Variants in SOCS2 observed in about 807,000 individuals in gnomAD.
SOCS2 encodes the protein CIS-2.
SOCS2 carries 10 observed loss-of-function variants against 18.6 expected under a neutral mutation model. The ratio of observed to expected loss-of-function variants is 0.54; its 90% confidence interval spans 0.33 to 0.91. The LOEUF (loss-of-function observed/expected upper bound fraction) is 0.91, where lower values mean the gene tolerates loss of function less well. SOCS2 is among the 40% of genes least tolerant of loss of function. The pLI is 0.02. For synonymous variants in SOCS2, 104 were observed against 104.0 expected (o/e 1.00, Z 0.00); for missense variants, 231 against 247.2 (o/e 0.93, Z 0.44).
At chr12:93,607,968 G>A in the SOCS2 span, among the ~76,000 whole-genome samples, 5 of 132,850 alleles carry the variant, frequency 3.8e-5, no homozygotes, top group African/African-American at 1.4e-4. Flanking sequence ...ACTAAATTTT[G>A]TTTTTAGTAG....
the SOCS2 span, among the ~76,000 whole-genome samples, chr12:93,614,586 T>C: frequency 2.9e-5 from 3 of 103,152 alleles, no homozygotes; most frequent in African/African-American, 1.3e-4. Context: ...TTTCTTTCTT[T>C]CTTTCTTTCT....
At chr12:93,578,756 G>A (rs187593155), downstream of SOCS2, among the ~76,000 whole-genome samples, 48 of 151,154 alleles carry the variant, frequency 3.2e-4, no homozygotes, top group African/African-American at 7.5e-4. Context: ...GGATTCAAAC[G>A]CAGATATTTT....
the SOCS2 span, among the ~76,000 whole-genome samples, chr12:93,625,923 T>C: frequency 3.3e-5 from 5 of 152,050 alleles, no homozygotes; most frequent in African/African-American, 1.2e-4. Flanking sequence ...ACTGAGGTAG[T>C]GGTGATACTC....
chr12:93,612,628 T>C, the SOCS2 span, among the ~76,000 whole-genome samples: 1 of 152,200 alleles, frequency 6.6e-6, no homozygotes, highest in Non-Finnish European at 1.5e-5. Flanking sequence ...ACTTGTGCCA[T>C]GGTACTCCCA....
At chr12:93,582,585 C>T (rs1016313694) in intron 1 of SOCS2, among the ~76,000 whole-genome samples, 2 of 152,162 alleles carry the variant, frequency 1.3e-5, no homozygotes, top group African/African-American at 2.4e-5. Flanking sequence ...CTTTGAGTCA[C>T]ACAGATTGCA....
the SOCS2 span, among the ~76,000 whole-genome samples, chr12:93,600,878 T>G: frequency 1.3e-5 from 2 of 151,790 alleles, no homozygotes; most frequent in South Asian, 4.2e-4. Context: ...CGACTTAACC[T>G]CCTGGGCTCA....
Position 93,574,905 on chromosome 12 carries a change from C to T in SOCS2, c.323C>T (p.Ser108Phe). The T allele has an allele frequency of 1.2e-6, 2 of 1,614,212 alleles. No homozygotes were observed. The highest frequency in any genetic ancestry group is 1.7e-6 in the Non-Finnish European group (2 of 1,180,034). Residue 108 changes from serine to phenylalanine, a missense_variant, in exon 2 of 2, where the codon TCT becomes TTT. This residue lies in a region of SOCS2 where 122 missense variants were observed against 127.2 expected (regional missense o/e 0.96). Transcript: ENST00000551556. ...EYQDGKFRLDSIICVKSKLKQ... is the reference protein window; with the variant it reads ...EYQDGKFRLDFIICVKSKLKQ... ...CAAGACGGAAAATTCAGATTGGACTCTATCATATGTGTCAAATCCAAGCTT... is the reference window on the plus strand; with the variant it reads ...CAAGACGGAAAATTCAGATTGGACTTTATCATATGTGTCAAATCCAAGCTT...
chr12:93,612,917 T>C, the SOCS2 span, among the ~76,000 whole-genome samples: 1 of 152,198 alleles, frequency 6.6e-6, no homozygotes, highest in African/African-American at 2.4e-5. Flanking sequence ...TTACAGCCCC[T>C]TTTTCTCCTA....
At chr12:93,611,878 C>T in the SOCS2 span, among the ~76,000 whole-genome samples, 14 of 151,088 alleles carry the variant, frequency 9.3e-5, no homozygotes, top group South Asian at 4.2e-4. Flanking sequence ...TTTTTTTCAT[C>T]TATCACAAAG....
chr12:93,579,191 C>T (rs546364886), downstream of SOCS2, among the ~76,000 whole-genome samples: 36 of 152,334 alleles, frequency 2.4e-4, no homozygotes, highest in African/African-American at 8.7e-4. Context: ...CTTGCTTTTG[C>T]CCATTCATGG....
chr12:93,591,749 C>A, the SOCS2 span, among the ~76,000 whole-genome samples: 1 of 152,290 alleles, frequency 6.6e-6, no homozygotes, highest in Non-Finnish European at 1.5e-5. Context: ...CACAGGCTGA[C>A]CAACGTCAAG....
Position 93,575,324 on chromosome 12 carries a change from C to T in SOCS2, c.*145C>T, listed in dbSNP as rs1212908788. 1 of 554,246 alleles carries T rather than the reference C, an allele frequency of 1.8e-6. No homozygotes were observed. The highest frequency in any genetic ancestry group is 3.0e-6 in the Non-Finnish European group (1 of 328,832). 34.3% of individuals were successfully genotyped at this position (554,246 alleles called of 1,614,324 possible). A position where few individuals can be genotyped will look rare whatever the true frequency, so the allele number is the denominator to read the frequency against. On this transcript the variant is annotated 3_prime_UTR_variant, in exon 2 of 2. Coordinates refer to ENST00000551556, the MANE Select transcript of SOCS2 (RefSeq NM_001270471.2). ...AGCTAATCTAATTTAAATTTAACAG[C>T]TTGAAGAGGTAGCTAGGTGTTTAAA...
upstream of SOCS2, chr12:93,572,093 C>G (rs1954277279): frequency 5.6e-6 from 1 of 177,466 alleles, no homozygotes; most frequent in Non-Finnish European, 1.2e-5. This position sits in a 1 kb window ranked among gnomAD's most constrained non-coding sequence, Gnocchi z 5.0. Context: ...GCGGCACCCC[C>G]AACCCCGCCA....
the SOCS2 span, among the ~76,000 whole-genome samples, chr12:93,614,540 CTTCTTTCTTTCTTTCTTTCT>C: frequency 3.3e-3 from 124 of 37,122 alleles, 9 homozygotes; most frequent in African/African-American, 5.4e-3. Flanking sequence ...TCCTTCCTTC[CTTCTTTCTTTCTTTCTTTCT>C]TTCTTTCTTT....
the SOCS2 span, among the ~76,000 whole-genome samples, chr12:93,612,969 G>A: frequency 2.6e-5 from 4 of 152,086 alleles, no homozygotes; most frequent in African/African-American, 7.2e-5. Flanking sequence ...ATAGCTCTTA[G>A]CTGTAGCTAA....
chr12:93,604,441 CA>C, the SOCS2 span, among the ~76,000 whole-genome samples: 3 of 151,838 alleles, frequency 2.0e-5, no homozygotes, highest in Non-Finnish European at 4.4e-5. Flanking sequence ...TTCAAATTAA[CA>C]ACAAAAACTA....
the SOCS2 span, among the ~76,000 whole-genome samples, chr12:93,619,432 G>A: frequency 6.9e-4 from 105 of 152,214 alleles, 1 homozygote; most frequent in African/African-American, 2.4e-3. Flanking sequence ...TTGCTACATA[G>A]GTGCTCCCAC....
chr12:93,616,428 A>G, the SOCS2 span, among the ~76,000 whole-genome samples: 1 of 152,184 alleles, frequency 6.6e-6, no homozygotes, highest in African/African-American at 2.4e-5. Context: ...CTGACCTCTG[A>G]TCTCTGTAGG....
At chr12:93,619,160 G>A in the SOCS2 span, among the ~76,000 whole-genome samples, 4 of 152,306 alleles carry the variant, frequency 2.6e-5, no homozygotes, top group Admixed American at 1.3e-4. Flanking sequence ...TGGTAAGAGC[G>A]GAGGCTATGG....
Sources: gnomAD v4.1 joint callset for allele counts (sites outside exome capture counted in the v4.1 genomes callset) on GRCh38, gnomAD v4.1.1 for gene constraint, gnomAD v4.1.1 regional missense constraint, Gnocchi (gnomAD v3.1) non-coding constraint, MANE v1.5 for transcripts, NCBI Gene and HGNC (gene_info 2026-07-23, HGNC 2026-07-21) for gene names.